Variants in HUWE1 observed in about 807,000 individuals in gnomAD.
The protein encoded by HUWE1 is E3 ubiquitin-protein ligase HUWE1.
Under a neutral mutation model 299.4 loss-of-function variants are expected in HUWE1, and 18 were observed. The ratio of observed to expected loss-of-function variants is 0.06; its 90% confidence interval spans 0.04 to 0.09. The LOEUF (loss-of-function observed/expected upper bound fraction) is 0.09. Among genes scored for constraint, HUWE1 ranks in the 10% least tolerant of loss-of-function variants. The pLI, the probability that HUWE1 is intolerant of heterozygous loss-of-function variation, is 1.00. For missense variants in HUWE1, 1,832 were observed against 3,462.3 expected (o/e 0.53, Z 11.82); for synonymous variants, 1,317 against 1,286.1 (o/e 1.02, Z -0.51).
chrX:53,647,623 C>T (rs1557037048), intron 5 of HUWE1, 49 bp from the exon 6 acceptor site: 2 of 927,904 alleles, frequency 2.2e-6, no homozygotes, highest in African/African-American at 3.9e-5. Context: ...AGAAGCGCCG[C>T]ATGGGTGCTT....
chrX:53,588,686 G>C (rs1038111924), intron 36 of HUWE1, 152 bp from the exon 37 acceptor site: 10 of 542,513 alleles, frequency 1.8e-5, no homozygotes, highest in Non-Finnish European at 3.0e-5. Flanking sequence ...TAGGGATTTA[G>C]AATCTATATC....
intron 3 of HUWE1, among the ~76,000 whole-genome samples, chrX:53,665,061 T>C (rs1000839648): frequency 8.9e-6 from 1 of 111,982 alleles, no homozygotes; most frequent in African/African-American, 3.2e-5. Flanking sequence ...GCCACATACC[T>C]ATTAAGTGGT....
chrX:53,593,248 G>A, intron 32 of HUWE1, 116 bp downstream of exon 32: 1 of 552,842 alleles, frequency 1.8e-6, no homozygotes, highest in Non-Finnish European at 3.2e-6. Flanking sequence ...GCCCTATCTG[G>A]GAGTTGGATC....
intron 3 of HUWE1, among the ~76,000 whole-genome samples, chrX:53,676,902 A>G (rs2069849555): frequency 2.7e-5 from 3 of 111,621 alleles, no homozygotes; most frequent in Non-Finnish European, 5.7e-5. Flanking sequence ...TGCTCTTCCT[A>G]TATAAACTAT....
intron 3 of HUWE1, among the ~76,000 whole-genome samples, chrX:53,675,243 A>C (rs782817046): frequency 9.0e-6 from 1 of 111,650 alleles, no homozygotes; most frequent in African/African-American, 3.3e-5. Flanking sequence ...GCTGGAGCCC[A>C]GGTGTACAGG....
chrX:53,592,999 C>T lies in HUWE1; in HGVS notation c.3741+365G>A, dbSNP rs193257317. Among the ~76,000 whole-genome samples, 412 of 112,200 alleles carry T rather than the reference C, an allele frequency of 3.7e-3. 1 individual carries two copies. The highest frequency in any genetic ancestry group is 0.014 in the Middle Eastern group (3 of 218). On this transcript the variant is annotated intron_variant, in intron 32 of 83. Coordinates refer to ENST00000262854, the MANE Select transcript of HUWE1 (RefSeq NM_031407.7). The stretch of plus-strand genomic sequence containing the variant: ...ACATGCAAGCTCCCACTTAACCTTC[C>T]GCCATGACTGTGAACTTCCTGAGGC...
rs1032132321 is a variant in HUWE1, at chrX:53,614,415, T to C, written c.2261+119A>G. 6 of 596,204 alleles carry C rather than the reference T, an allele frequency of 1.0e-5. No homozygotes were observed. In the African/African-American group the frequency reaches 1.3e-4, roughly 13 times the overall value. The allele number at this position is 596,204 out of a possible 1,213,427, so 49.1% of individuals were successfully genotyped here. ...TACATTCTTAGAACCGGTTAGAACTTTAAAATGATCTAATACAACTCTCTT... is the reference window on the plus strand; with the variant it reads ...TACATTCTTAGAACCGGTTAGAACTCTAAAATGATCTAATACAACTCTCTT... On this transcript the variant is annotated intron_variant, in intron 23 of 83. Coordinates refer to ENST00000262854, the MANE Select transcript of HUWE1 (RefSeq NM_031407.7).
At chrX:53,629,183 C>T (rs1199107238) in intron 13 of HUWE1, among the ~76,000 whole-genome samples, 1 of 111,233 alleles carries the variant, frequency 9.0e-6, no homozygotes, top group Non-Finnish European at 1.9e-5. Flanking sequence ...AATGCAGGAT[C>T]CCTGATTCAA....
At chrX:53,553,262 C>T (rs782486005) in intron 61 of HUWE1, among the ~76,000 whole-genome samples, 1 of 109,272 alleles carries the variant, frequency 9.2e-6, no homozygotes, top group Admixed American at 9.7e-5. Flanking sequence ...TCTGCCTCAG[C>T]CTCCTGAGGA....
In HUWE1 at chrX:53,645,212, T is replaced by C. The variant is rs193228292; in HGVS notation, c.504+99A>G. The C allele has an allele frequency of 1.4e-5, 13 of 910,507 alleles. No individual in the cohort carries two copies. The Admixed American group carries it at 3.0e-4, about 21-fold the overall frequency. The allele number at this position is 910,507 out of a possible 1,213,427, so 75.0% of individuals were successfully genotyped here. A position where few individuals can be genotyped will look rare whatever the true frequency, so the allele number is the denominator to read the frequency against. ...CTCAATTAGGCCAGTGAAGTTAACT[T>C]AGGGATTCTAATATATTTTAACACT... On this transcript the variant is annotated intron_variant, in intron 7 of 83. Coordinates refer to ENST00000262854, the MANE Select transcript of HUWE1 (RefSeq NM_031407.7).
At chrX:53,647,783 T>A (rs782031626) in intron 5 of HUWE1, among the ~76,000 whole-genome samples, 1 of 111,575 alleles carries the variant, frequency 9.0e-6, no homozygotes, top group Admixed American at 9.5e-5. Flanking sequence ...CTAACACCAA[T>A]AGACACCATA....
intron 75 of HUWE1, 140 bp from the exon 76 acceptor site, chrX:53,539,220 C>T (rs1407310483): frequency 2.4e-5 from 16 of 661,266 alleles, no homozygotes; most frequent in Non-Finnish European, 2.5e-5. Context: ...GTGGCTCACA[C>T]CTATGATCCC....
chrX:53,684,098 G>C (rs1283052644), intron 2 of HUWE1: 20 of 265,816 alleles, frequency 7.5e-5, no homozygotes, highest in African/African-American at 4.7e-4. Flanking sequence ...CAAAGCCGAA[G>C]TAGCTACAGC....
intron 39 of HUWE1, 31 bp downstream of exon 39, chrX:53,586,459 G>A (rs1556973355): frequency 2.9e-6 from 3 of 1,031,306 alleles, no homozygotes; most frequent in Non-Finnish European, 4.1e-6. Flanking sequence ...AAGCTAAACC[G>A]TCCTGCAGTC....
chrX:53,676,281 G>T (rs782620685), intron 3 of HUWE1, among the ~76,000 whole-genome samples: 1 of 1,505 alleles, frequency 6.6e-4, no homozygotes, highest in East Asian at 0.091. Flanking sequence ...TATGAATAAG[G>T]TATTTCCCCC....
At chrX:53,651,631 T>C (rs1045440657) in intron 4 of HUWE1, among the ~76,000 whole-genome samples, 3 of 111,757 alleles carry the variant, frequency 2.7e-5, no homozygotes, top group Non-Finnish European at 5.6e-5. Context: ...CCCCAAATAT[T>C]TACTATCCAG....
At chrX:53,588,091 T>C (rs2063953388) in intron 37 of HUWE1, among the ~76,000 whole-genome samples, 1 of 111,541 alleles carries the variant, frequency 9.0e-6, no homozygotes, top group African/African-American at 3.3e-5. Flanking sequence ...AACTACCACC[T>C]CACAATTCTG....
chrX:53,543,853 T>C lies in HUWE1; in HGVS notation c.11367A>G (p.Gln3789=). The change falls in exon 73 of 84, where the codon CAA becomes CAG. Residue 3789 remains glutamine (Q), a synonymous_variant. Coordinates refer to ENST00000262854, the MANE Select transcript of HUWE1 (RefSeq NM_031407.7). ...VREGQRARRQ[Q]QAATSESSQS... is the part of the protein sequence containing the mutation. ...GCATCATGCTAACCGTTGCTGCTTG[T>C]TGCTGTCTCCGCGCCCTTTGACCCT... The C allele has an allele frequency of 8.3e-7, 1 of 1,211,404 alleles. No individual in the cohort carries two copies.
At chrX:53,624,368 G>A (rs191712927) in intron 19 of HUWE1, among the ~76,000 whole-genome samples, 1 of 111,998 alleles carries the variant, frequency 8.9e-6, no homozygotes, top group Non-Finnish European at 1.9e-5. Context: ...ATGGTGGCAG[G>A]CACCTCTAAT....
Sources: allele counts gnomAD v4.1 joint callset (sites outside exome capture counted in the v4.1 genomes callset), GRCh38; gene constraint gnomAD v4.1.1; transcripts MANE v1.5; gene names NCBI Gene and HGNC (gene_info 2026-07-23, HGNC 2026-07-21).